BRD4: variants seen among roughly 807,000 people sequenced by gnomAD.
BRD4 encodes the protein bromodomain containing 4.
A neutral mutation model predicts 142.1 loss-of-function variants in BRD4; 16 were observed. That is an observed-to-expected ratio of 0.11 (90% CI 0.08 to 0.17). The LOEUF is 0.17. Among genes scored for constraint, BRD4 ranks in the 10% least tolerant of loss-of-function variants. The pLI, the probability that BRD4 is intolerant of heterozygous loss-of-function variation, is 1.00. For synonymous variants in BRD4, 833 were observed against 707.5 expected, an observed-to-expected ratio of 1.18 and a Z score of -2.82; for missense variants, 1,424 against 1,810.9, an observed-to-expected ratio of 0.79 and a Z score of 3.88.
chr19:15,242,911 G>A lies in BRD4; in HGVS notation c.3158C>T (p.Pro1053Leu), dbSNP rs761875870. 2.2e-5 allele frequency: 36 copies of A among 1,607,494 alleles called. No individual in the cohort carries two copies. The highest frequency in any genetic ancestry group is 3.0e-5 in the Non-Finnish European group (35 of 1,177,812). ...HHSPRHHKSD[P>L]YSTGHLREAP... ...TGAGGACCACTTACCGGTTGAGTAGGGGTCCGACTTGTGGTGCCGGGGTGA... is the reference window on the plus strand; with the variant it reads ...TGAGGACCACTTACCGGTTGAGTAGAGGTCCGACTTGTGGTGCCGGGGTGA... The change falls in exon 14 of 20, where the codon CCC becomes CTC. Residue 1053 changes from proline (P) to leucine (L), a missense_variant. Pro to Leu is a moderately conservative substitution (Grantham distance 98). Transcript: ENST00000679869.
At chr19:15,301,566 AC>A (rs1200754496) in intron 1 of BRD4, among the ~76,000 whole-genome samples, 2 of 140,688 alleles carry the variant, frequency 1.4e-5, no homozygotes, top group South Asian at 2.3e-4. Flanking sequence ...ACGTCTCAAA[AC>A]AAAAAAAAAA....
chr19:15,309,033 C>A (rs1329113178), intron 1 of BRD4, among the ~76,000 whole-genome samples: 11 of 149,086 alleles, frequency 7.4e-5, no homozygotes, highest in African/African-American at 2.7e-4. Flanking sequence ...AACAAACAAA[C>A]AAACAAAAAT....
intron 1 of BRD4, among the ~76,000 whole-genome samples, chr19:15,306,775 C>A (rs1216510332): frequency 6.6e-6 from 1 of 152,070 alleles, no homozygotes; most frequent in African/African-American, 2.4e-5. Flanking sequence ...ACTGAATTCA[C>A]CTTCTTAGAT....
Position 15,257,133 on chromosome 19 carries a change from G to C in BRD4, c.1382C>G (p.Pro461Arg). ...GGACACGGCCACCACTGGCTCCTCA[G>C]GCTCGTCCGGCATCTTGGCAAAGCG... ...EMRFAKMPDE[P>R]EEPVVAVSSP... is the part of the protein sequence containing the mutation. Residue 461 changes from proline to arginine, a missense_variant, in exon 8 of 20, where the codon CCT becomes CGT. Around this residue, in one of 16 missense-constraint regions of BRD4, gnomAD observed 90 missense variants for 93.2 expected, o/e 0.97. Transcript: ENST00000679869. 3 of 1,608,936 alleles carry C rather than the reference G, an allele frequency of 1.9e-6. No homozygotes were observed. Among genetic ancestry groups the C allele is most frequent in the Non-Finnish European group, 2.5e-6 (3 of 1,179,560 alleles).
rs369468150 is a variant in BRD4, at chr19:15,308,743, C to T, written c.-35+23547G>A. Reference sequence around the variant, plus strand: ...AAACTTTAAACATCTGGGCTGGGCGCGGTGGCTCAAACTTGTAATACCAGC... The same window carrying T: ...AAACTTTAAACATCTGGGCTGGGCGTGGTGGCTCAAACTTGTAATACCAGC... On this transcript the variant is annotated intron_variant, in intron 1 of 19. Transcript: ENST00000679869. 1.5e-3 allele frequency among the ~76,000 whole-genome samples: 230 copies of T among 152,094 alleles called. 3 individuals carry two copies. Among genetic ancestry groups the T allele is most frequent in the African/African-American group, 5.4e-3 (225 of 41,498 alleles).
chr19:15,310,358 T>TGGG (rs2047957505), intron 1 of BRD4, among the ~76,000 whole-genome samples: 1 of 25,682 alleles, frequency 3.9e-5, no homozygotes, highest in Non-Finnish European at 9.4e-5. Context: ...ATTTTTGGAT[T>TGGG]CCCCCCCCCC....
At chr19:15,296,191 T>A (rs567415611) in intron 1 of BRD4, among the ~76,000 whole-genome samples, 1 of 151,538 alleles carries the variant, frequency 6.6e-6, no homozygotes, top group Non-Finnish European at 1.5e-5. Flanking sequence ...GAGAGAGAGG[T>A]TGCAGTGAGC....
At chr19:15,309,436 G>A (rs1337158368) in intron 1 of BRD4, among the ~76,000 whole-genome samples, 1 of 151,590 alleles carries the variant, frequency 6.6e-6, no homozygotes, top group African/African-American at 2.4e-5. Context: ...TGTCGGCAAA[G>A]ATGTGGAGAA....
chr19:15,314,896 G>A (rs1432234023), intron 1 of BRD4, among the ~76,000 whole-genome samples: 1 of 152,176 alleles, frequency 6.6e-6, no homozygotes, highest in Non-Finnish European at 1.5e-5. Context: ...GGAAGATGGA[G>A]GAAATGGAGT....
At position 15,242,928 on chromosome 19, in the gene BRD4, C is replaced by T. The variant is rs749152423; in HGVS notation, c.3141G>A (p.Arg1047=). 3 of 1,604,986 alleles carry T rather than the reference C, an allele frequency of 1.9e-6. No homozygotes were observed. The highest frequency in any genetic ancestry group is 4.5e-5 in the East Asian group (2 of 44,468). ...TTGAGTAGGGGTCCGACTTGTGGTGCCGGGGTGAATGGTGGTGCTGGATGA... is the reference window on the plus strand; with the variant it reads ...TTGAGTAGGGGTCCGACTTGTGGTGTCGGGGTGAATGGTGGTGCTGGATGA... ...QQVIQHHHSP[R]HHKSDPYSTG... is the part of the protein sequence containing the mutation. The change falls in exon 14 of 20, where the codon CGG becomes CGA. Residue 1047 remains arginine (R), a synonymous_variant. Coordinates refer to ENST00000679869, the MANE Select transcript of BRD4 (RefSeq NM_001379291.1).
At chr19:15,314,903 G>A (rs1047546503) in intron 1 of BRD4, among the ~76,000 whole-genome samples, 1 of 152,194 alleles carries the variant, frequency 6.6e-6, no homozygotes, top group African/African-American at 2.4e-5. Flanking sequence ...GGAGGAAATG[G>A]AGTTTGGGGG....
At chr19:15,262,012 T>C (rs1416430801) in intron 7 of BRD4, among the ~76,000 whole-genome samples, 25 of 152,204 alleles carry the variant, frequency 1.6e-4, no homozygotes, top group Non-Finnish European at 1.2e-4. Context: ...GGGAAGTGTT[T>C]ATCCTACCTC....
chr19:15,330,786 G>A (rs2048150170), intron 1 of BRD4, among the ~76,000 whole-genome samples: 1 of 152,162 alleles, frequency 6.6e-6, no homozygotes, highest in Non-Finnish European at 1.5e-5. Flanking sequence ...GTATATATTG[G>A]CAAGATCATA....
intron 2 of BRD4, among the ~76,000 whole-genome samples, chr19:15,272,166 T>C (rs2047595080): frequency 6.6e-6 from 1 of 152,094 alleles, no homozygotes; most frequent in African/African-American, 2.4e-5. Context: ...CATGGGCATA[T>C]GGAAAACTCT....
At chr19:15,247,413 G>A (rs560091238) in intron 11 of BRD4, 12 of 232,630 alleles carry the variant, frequency 5.2e-5, no homozygotes, top group African/African-American at 2.6e-4. Flanking sequence ...GACAGCTTAA[G>A]TCTAATGAGC....
At chr19:15,311,246 C>T (rs1469166958) in intron 1 of BRD4, among the ~76,000 whole-genome samples, 1 of 151,872 alleles carries the variant, frequency 6.6e-6, no homozygotes, top group Non-Finnish European at 1.5e-5. Context: ...GAGTCGAGAT[C>T]GTGCCACTGC....
At chr19:15,331,991 C>A (rs959516835) in intron 1 of BRD4, 14 of 143,030 alleles carry the variant, frequency 9.8e-5, no homozygotes, top group Middle Eastern at 3.6e-3. Flanking sequence ...CCGCGCCCCC[C>A]ACCCGCGCCC....
At chr19:15,298,814 A>G (rs534577665) in intron 1 of BRD4, among the ~76,000 whole-genome samples, 2 of 152,110 alleles carry the variant, frequency 1.3e-5, no homozygotes, top group Non-Finnish European at 2.9e-5. Flanking sequence ...ATGCCCAATC[A>G]TTCAAATATC....
At chr19:15,280,198 T>G (rs902919871) in intron 1 of BRD4, 1 of 975,718 alleles carries the variant, frequency 1.0e-6, no homozygotes, top group African/African-American at 1.7e-5. Flanking sequence ...GGTGGCCTGG[T>G]TGGCTGGACG....
Sources: allele counts gnomAD v4.1 joint callset (sites outside exome capture counted in the v4.1 genomes callset), GRCh38; gene constraint gnomAD v4.1.1; regional missense constraint gnomAD v4.1.1; transcripts MANE v1.5; gene names NCBI Gene and HGNC (gene_info 2026-07-23, HGNC 2026-07-21).